The following WRN variants were observed in gnomAD, a reference collection of about 807,000 sequenced individuals.
WRN encodes the protein WRN RecQ like helicase, also known as bifunctional 3'-5' exonuclease/ATP-dependent helicase WRN.
A neutral mutation model predicts 180.7 loss-of-function variants in WRN; 149 were observed. The ratio of observed to expected loss-of-function variants is 0.82; its 90% confidence interval spans 0.72 to 0.94. The LOEUF (loss-of-function observed/expected upper bound fraction) is 0.94. WRN is among the 40% of genes least tolerant of loss of function. The probability of loss-of-function intolerance (pLI) is 0.00; values close to 1 mark genes in which losing one functional copy is unlikely to be tolerated. For missense variants in WRN, 1,661 were observed against 1,700.1 expected (o/e 0.98, Z 0.40); for synonymous variants, 548 against 568.9 (o/e 0.96, Z 0.52).
chr8:31,173,351 A>C lies in WRN; in HGVS notation c.*249A>C. The C allele has an allele frequency of 2.1e-6, 1 of 486,646 alleles. No homozygotes were observed. Among genetic ancestry groups the C allele is most frequent in the East Asian group, 3.5e-5 (1 of 28,294 alleles). The allele number at this position is 486,646 out of a possible 1,614,324, so 30.1% of individuals were successfully genotyped here. Reference sequence around the variant, plus strand: ...TTAGACTTCCTGTAAGATTGCTTTAAGAAACTGTTACTGTCCTGTTTTCTA... The same window carrying C: ...TTAGACTTCCTGTAAGATTGCTTTACGAAACTGTTACTGTCCTGTTTTCTA... On this transcript the variant is annotated 3_prime_UTR_variant, in exon 35 of 35. Transcript: ENST00000298139.
At chr8:31,096,726 C>CTGTTTTT (rs1415538404) in intron 16 of WRN, 42 bp from the exon 17 acceptor site, 1 of 1,316,948 alleles carries the variant, frequency 7.6e-7, no homozygotes, top group African/African-American at 1.5e-5. Flanking sequence ...GTTTCCCTTC[C>CTGTTTTT]TGTTTTTTTT....
intron 10 of WRN, 142 bp downstream of exon 10, chr8:31,083,921 A>G: frequency 1.1e-6 from 1 of 934,772 alleles, no homozygotes; most frequent in South Asian, 1.6e-5. Flanking sequence ...ACATTTTCCA[A>G]TTCATGTTTC....
chr8:31,049,712 A>G (rs1563322096), intron 1 of WRN, among the ~76,000 whole-genome samples: 1 of 152,218 alleles, frequency 6.6e-6, no homozygotes, highest in Non-Finnish European at 1.5e-5. Context: ...TCTAATTCAT[A>G]TGGATTTGCT....
At chr8:31,039,520 T>G (rs1295788788) in intron 1 of WRN, among the ~76,000 whole-genome samples, 1 of 152,198 alleles carries the variant, frequency 6.6e-6, no homozygotes, top group Non-Finnish European at 1.5e-5. Flanking sequence ...ACTTCTTCCT[T>G]TCCATTATGG....
intron 20 of WRN, among the ~76,000 whole-genome samples, chr8:31,119,256 T>C (rs1201230053): frequency 6.6e-6 from 1 of 151,944 alleles, no homozygotes. Context: ...TGAAATGGCA[T>C]GCAGATAGGT....
chr8:31,157,647 T>C (rs1803441212), intron 33 of WRN, 117 bp downstream of exon 33: 1 of 1,349,734 alleles, frequency 7.4e-7, no homozygotes. Context: ...AAACCTTACT[T>C]TTGTGATTCT....
rs1489579629 is a variant in WRN, at chr8:31,143,064, C to CATACAT, written c.3309+363_3309+364insATACAT. Among the ~76,000 whole-genome samples, 1,080 of 132,794 alleles carry CATACAT rather than the reference C, an allele frequency of 8.1e-3. 18 individuals are homozygous for CATACAT. Among genetic ancestry groups the CATACAT allele is most frequent in the African/African-American group, 0.029 (1,030 of 35,900 alleles). 87.1% of individuals were successfully genotyped at this position (132,794 alleles called of 152,430 possible). ...ACACACACACACACACATTCTCTCT[C>CATACAT]TCTCTCTCTCACACACACACACATG... On this transcript the variant is annotated intron_variant, in intron 27 of 34. Transcript: ENST00000298139.
In WRN at chr8:31,141,553, G is replaced by C. The variant is rs138492730; in HGVS notation, c.3091G>C (p.Val1031Leu). ...GATCACTGAGGGATTCTTGGTAGAA[G>C]TTTCTCGGTATAACAAATTTATGAA... ...QLITEGFLVEVSRYNKFMKIC... is the reference protein window; with the variant it reads ...QLITEGFLVELSRYNKFMKIC... Residue 1031 changes from valine (V) to leucine (L), a missense_variant, in exon 25 of 35, where the codon GTT becomes CTT. This residue lies in a region of WRN where 1,141 missense variants were observed against 1,149.4 expected (regional missense o/e 0.99). Transcript: ENST00000298139. 2.1e-5 allele frequency: 34 copies of C among 1,614,144 alleles called. No homozygotes were observed. The highest frequency in any genetic ancestry group is 3.3e-4 in the Middle Eastern group (2 of 6,062).
chr8:31,064,176 C>G (rs758351156), intron 3 of WRN, 113 bp from the exon 4 acceptor site: 3 of 1,179,098 alleles, frequency 2.5e-6, no homozygotes, highest in Non-Finnish European at 3.7e-6. Flanking sequence ...TGTATGTGCT[C>G]CAGATAACTT....
At chr8:31,111,894 T>A in intron 19 of WRN, 95 bp downstream of exon 19, 1 of 1,427,194 alleles carries the variant, frequency 7.0e-7, no homozygotes, top group Admixed American at 2.0e-5. Flanking sequence ...TTCCTTCTAA[T>A]GCATATTTAA....
intron 13 of WRN, 56 bp from the exon 14 acceptor site, chr8:31,090,409 G>C: frequency 6.6e-7 from 1 of 1,503,942 alleles, no homozygotes; most frequent in Non-Finnish European, 9.2e-7. Context: ...ATTTTAATTT[G>C]TACCTTGGGT....
intron 5 of WRN, among the ~76,000 whole-genome samples, chr8:31,066,163 C>T (rs962202509): frequency 3.3e-5 from 5 of 151,718 alleles, no homozygotes; most frequent in African/African-American, 9.7e-5. Flanking sequence ...CAGGCGTGAG[C>T]CACCGCACCT....
chr8:31,135,059 G>A (rs1264822046), intron 24 of WRN, among the ~76,000 whole-genome samples: 1 of 151,386 alleles, frequency 6.6e-6, no homozygotes, highest in Non-Finnish European at 1.5e-5. Context: ...AACAATAGCT[G>A]TGGGCTTTTT....
intron 34 of WRN, among the ~76,000 whole-genome samples, chr8:31,169,971 A>G (rs978806996): frequency 6.6e-6 from 1 of 152,044 alleles, no homozygotes; most frequent in Non-Finnish European, 1.5e-5. Flanking sequence ...TTCAGATGCT[A>G]TTATCAGATT....
At chr8:31,091,464 T>C (rs1813744309) in intron 15 of WRN, among the ~76,000 whole-genome samples, 1 of 152,106 alleles carries the variant, frequency 6.6e-6, no homozygotes, top group South Asian at 2.1e-4. Context: ...GCTGGGAACA[T>C]TTCTAATCTT....
At chr8:31,136,786 A>G (rs900648703) in intron 24 of WRN, among the ~76,000 whole-genome samples, 2 of 152,178 alleles carry the variant, frequency 1.3e-5, no homozygotes, top group Non-Finnish European at 2.9e-5. Context: ...GCAGTGAGCC[A>G]TGATTACACC....
chr8:31,078,618 A>G (rs532104014), intron 8 of WRN, among the ~76,000 whole-genome samples: 2 of 152,364 alleles, frequency 1.3e-5, no homozygotes, highest in Admixed American at 1.3e-4. Flanking sequence ...AGTTTGTTAC[A>G]GAAGGGAGCA....
At chr8:31,135,969 A>G (rs1196714337) in intron 24 of WRN, among the ~76,000 whole-genome samples, 3 of 152,066 alleles carry the variant, frequency 2.0e-5, no homozygotes, top group Non-Finnish European at 4.4e-5. Context: ...TCCACATTCC[A>G]TGATATGTCA....
At chr8:31,172,598 A>T (rs1018598339) in intron 34 of WRN, among the ~76,000 whole-genome samples, 1 of 152,206 alleles carries the variant, frequency 6.6e-6, no homozygotes, top group African/African-American at 2.4e-5. Context: ...TTCTTTTCAC[A>T]TGCCTAATAT....
Sources: allele counts gnomAD v4.1 joint callset (sites outside exome capture counted in the v4.1 genomes callset), GRCh38; gene constraint gnomAD v4.1.1; regional missense constraint gnomAD v4.1.1; transcripts MANE v1.5; gene names NCBI Gene and HGNC (gene_info 2026-07-23, HGNC 2026-07-21).